CORO7: variants seen among roughly 807,000 people sequenced by gnomAD.
CORO7 encodes coronin-7.
CORO7 carries 107 observed loss-of-function variants against 126.6 expected under a neutral mutation model. The observed-to-expected ratio is 0.85, with a 90% CI of 0.72 to 0.99. The LOEUF (loss-of-function observed/expected upper bound fraction) is 0.99. Ranked by LOEUF, CORO7 falls within the 50% of genes least tolerant of loss-of-function variation. CORO7 has a pLI of 0.00. For missense variants in CORO7, 1,314 were observed against 1,255.8 expected (o/e 1.05, Z -0.70); for synonymous variants, 603 against 536.8 (o/e 1.12, Z -1.70).
chr16:4,370,354 G>A (rs1009726279), intron 9 of CORO7, among the ~76,000 whole-genome samples: 21 of 152,200 alleles, frequency 1.4e-4, no homozygotes, highest in Non-Finnish European at 2.2e-4. Context: ...GGGGACTGGG[G>A]TGACCCATGA....
chr16:4,355,698 T>TGACCTC (rs2053957234), intron 26 of CORO7: 1 of 262,886 alleles, frequency 3.8e-6, no homozygotes, highest in African/African-American at 2.2e-5. Flanking sequence ...CTCGATCTCC[T>TGACCTC]GACCTCGTGA....
In CORO7 at chr16:4,362,239, C is replaced by G; in HGVS notation, c.1403-79G>C. 6.6e-7 allele frequency: 1 copy of G among 1,511,366 alleles called. No individual in the cohort carries two copies. The highest frequency in any genetic ancestry group is 8.9e-7 in the Non-Finnish European group (1 of 1,128,004). 93.6% of individuals were successfully genotyped at this position (1,511,366 alleles called of 1,614,324 possible). On this transcript the variant is annotated intron_variant, in intron 15 of 27. Transcript: ENST00000251166. The surrounding 1 kb of genome is among the most constrained non-coding windows in gnomAD (Gnocchi z 5.3). The stretch of plus-strand genomic sequence containing the variant: ...CCTGCACTCTTTGAGTCCCGGCTGC[C>G]CACTCCCCTCACCCCAGGTGGATGT...
intron 25 of CORO7, 96 bp from the exon 26 acceptor site, chr16:4,357,355 CTTTTTTT>C (rs61391325): frequency 6.6e-5 from 48 of 728,028 alleles, no homozygotes; most frequent in Non-Finnish European, 5.2e-5. Flanking sequence ...TTCTTTCTTT[CTTTTTTT>C]TTTTTTTTTT....
chr16:4,377,277 G>C (rs2054769680), intron 9 of CORO7, among the ~76,000 whole-genome samples: 1 of 150,844 alleles, frequency 6.6e-6, no homozygotes, highest in South Asian at 2.1e-4. Flanking sequence ...TCCTGCACCA[G>C]GCAGAGGAAA....
At chr16:4,356,103 G>A (rs1214404424) in intron 26 of CORO7, among the ~76,000 whole-genome samples, 13 of 151,732 alleles carry the variant, frequency 8.6e-5, no homozygotes, top group East Asian at 7.8e-4. Context: ...ACAGGTATGC[G>A]CCACCATGCC....
At chr16:4,381,256 G>A (rs751733383) in intron 9 of CORO7, 19 of 1,611,468 alleles carry the variant, frequency 1.2e-5, no homozygotes, top group Admixed American at 8.3e-5. Flanking sequence ...GCGGCGCCTC[G>A]AGCGCCTCTA....
intron 9 of CORO7, among the ~76,000 whole-genome samples, chr16:4,379,453 GC>G (rs1191368803): frequency 6.6e-6 from 1 of 151,992 alleles, no homozygotes. Flanking sequence ...GGGAGCCCCC[GC>G]CCCCAGGGCC....
intron 9 of CORO7, among the ~76,000 whole-genome samples, chr16:4,371,281 T>C (rs978604103): frequency 6.6e-6 from 1 of 152,218 alleles, no homozygotes; most frequent in Non-Finnish European, 1.5e-5. Flanking sequence ...AGCTCAGATT[T>C]GGCATTGGAG....
chr16:4,355,609 C>T (rs1236085546), intron 26 of CORO7: 5 of 492,706 alleles, frequency 1.0e-5, no homozygotes, highest in East Asian at 9.8e-5. Flanking sequence ...GCTGGGATTA[C>T]AGGCGCCCAC....
chr16:4,381,107 G>GCCTGCAGCT, intron 9 of CORO7: 1 of 1,609,010 alleles, frequency 6.2e-7, no homozygotes, highest in Non-Finnish European at 8.5e-7. Context: ...GGCCTGCCGG[G>GCCTGCAGCT]CCTGCAGCTC....
chr16:4,363,420 C>G (rs577764215), intron 14 of CORO7, among the ~76,000 whole-genome samples: 3 of 114,780 alleles, frequency 2.6e-5, no homozygotes, highest in Non-Finnish European at 5.5e-5. Context: ...CTAAAGATAC[C>G]AATTAGCCAG....
At chr16:4,365,171 G>A in intron 10 of CORO7, 111 bp from the exon 11 acceptor site, 1 of 1,489,242 alleles carries the variant, frequency 6.7e-7, no homozygotes, top group Non-Finnish European at 9.1e-7. Context: ...CAGAACCACA[G>A]TGGCTGGAGA....
chr16:4,392,810 C>T (rs1596320371), intron 7 of CORO7, among the ~76,000 whole-genome samples: 1 of 152,176 alleles, frequency 6.6e-6, no homozygotes, highest in African/African-American at 2.4e-5. Flanking sequence ...CAGGGCCACA[C>T]GGAGAGCGGC....
At chr16:4,388,421 C>A (rs2055270571) in intron 8 of CORO7, 124 bp downstream of exon 8, 5 of 1,078,534 alleles carry the variant, frequency 4.6e-6, no homozygotes, top group South Asian at 1.5e-5. Flanking sequence ...CACAGCCAGG[C>A]CGTATATGGA....
intron 25 of CORO7, 92 bp from the exon 26 acceptor site, chr16:4,357,351 CTTTCTTTTTTT>C: frequency 3.1e-6 from 3 of 958,290 alleles, no homozygotes; most frequent in East Asian, 3.1e-5. Flanking sequence ...TCTTTTCTTT[CTTTCTTTTTTT>C]TTTTTTTTTT....
In CORO7 at chr16:4,360,477, G is replaced by A; in HGVS notation, c.1989C>T (p.Val663=). 1.2e-6 allele frequency: 2 copies of A among 1,612,490 alleles called. No homozygotes were observed. Among genetic ancestry groups the A allele is most frequent in the Non-Finnish European group, 1.7e-6 (2 of 1,179,702 alleles). The change falls in exon 20 of 28, where the codon GTC becomes GTT. Residue 663 remains valine (V), a synonymous_variant. Coordinates refer to ENST00000251166, the MANE Select transcript of CORO7 (RefSeq NM_024535.5). ...GCTCAGGGCCACTCCGGGGCCTGTA[G>A]ACCCGCACACGCCCATCCTTGCAGA... ...ATVCKDGRVR[V]YRPRSGPEPL...
At chr16:4,375,534 C>G (rs1303360135) in intron 9 of CORO7, among the ~76,000 whole-genome samples, 1 of 152,230 alleles carries the variant, frequency 6.6e-6, no homozygotes, top group African/African-American at 2.4e-5. Flanking sequence ...GTCACCCAGG[C>G]TGGAGTGCAG....
chr16:4,366,199 T>C (rs1277751494), intron 9 of CORO7, among the ~76,000 whole-genome samples: 1 of 152,184 alleles, frequency 6.6e-6, no homozygotes, highest in Non-Finnish European at 1.5e-5. Flanking sequence ...CCAGGCCTGC[T>C]GCCCCGGCCG....
At chr16:4,391,685 G>T (rs2055396290) in intron 7 of CORO7, among the ~76,000 whole-genome samples, 1 of 152,230 alleles carries the variant, frequency 6.6e-6, no homozygotes, top group South Asian at 2.1e-4. Flanking sequence ...GAGCCGTGTT[G>T]GCGCCACTGC....
Sources: gnomAD v4.1 joint callset for allele counts (sites outside exome capture counted in the v4.1 genomes callset) on GRCh38, gnomAD v4.1.1 for gene constraint, Gnocchi (gnomAD v3.1) non-coding constraint, MANE v1.5 for transcripts, NCBI Gene and HGNC (gene_info 2026-07-23, HGNC 2026-07-21) for gene names.